CDH7: variants seen among roughly 807,000 people sequenced by gnomAD.
CDH7 encodes cadherin 7, also known as cadherin-7.
A neutral mutation model predicts 71.8 loss-of-function variants in CDH7; 25 were observed. The observed-to-expected ratio is 0.35, with a 90% CI of 0.25 to 0.49. CDH7 has a LOEUF of 0.49. Ranked by LOEUF, CDH7 falls within the 20% of genes least tolerant of loss-of-function variation. The pLI, the probability that CDH7 is intolerant of heterozygous loss-of-function variation, is 0.99. For missense variants in CDH7, 862 were observed against 974.6 expected (o/e 0.88, Z 1.54); for synonymous variants, 381 against 363.8 (o/e 1.05, Z -0.54).
At chr18:65,816,922 G>T (rs1369276131) in intron 4 of CDH7, among the ~76,000 whole-genome samples, 1 of 152,058 alleles carries the variant, frequency 6.6e-6, no homozygotes, top group African/African-American at 2.4e-5. Flanking sequence ...GTATTCTAAG[G>T]TGTATCTGTT....
At chr18:65,799,356 C>A (rs1911031144) in intron 2 of CDH7, among the ~76,000 whole-genome samples, 2 of 151,972 alleles carry the variant, frequency 1.3e-5, no homozygotes. Context: ...TACATCAACC[C>A]CCAGTGAGTC....
intron 2 of CDH7, among the ~76,000 whole-genome samples, chr18:65,764,764 G>A (rs1054561452): frequency 6.6e-6 from 1 of 151,942 alleles, no homozygotes; most frequent in Non-Finnish European, 1.5e-5. Flanking sequence ...ATTTAATTTG[G>A]TATTAAATAA....
chr18:65,824,323 A>G (rs748675043), intron 5 of CDH7, among the ~76,000 whole-genome samples: 8 of 151,838 alleles, frequency 5.3e-5, no homozygotes, highest in Non-Finnish European at 1.2e-4. Context: ...TACTAATTGT[A>G]TATCAATTAT....
chr18:65,873,500 A>G (rs1913985499), intron 11 of CDH7, among the ~76,000 whole-genome samples: 1 of 152,220 alleles, frequency 6.6e-6, no homozygotes, highest in Non-Finnish European at 1.5e-5. Context: ...ATACAAAACT[A>G]TTATCATTTT....
In CDH7 at chr18:65,824,722, T is replaced by C. The variant is rs765092703; in HGVS notation, c.872T>C (p.Ile291Thr). The change falls in exon 6 of 12, where the codon ATT becomes ACT. Residue 291 changes from isoleucine (I) to threonine (T), a missense_variant. By Grantham distance (89) the Ile-to-Thr change is moderately conservative. Transcript: ENST00000397968. The part of the protein sequence containing the change: ...VARIKAADAD[I>T]GANAEMEYKI... ...AGAATTAAAGCTGCTGATGCAGATATTGGAGCTAATGCTGAAATGGAGTAC... is the reference window on the plus strand; with the variant it reads ...AGAATTAAAGCTGCTGATGCAGATACTGGAGCTAATGCTGAAATGGAGTAC... 1.2e-6 allele frequency: 2 copies of C among 1,612,608 alleles called. No homozygotes were observed. The highest frequency in any genetic ancestry group is 1.7e-6 in the Non-Finnish European group (2 of 1,178,870).
intron 2 of CDH7, among the ~76,000 whole-genome samples, chr18:65,789,456 A>G (rs1419034221): frequency 2.1e-5 from 3 of 145,908 alleles, no homozygotes; most frequent in African/African-American, 8.0e-5. Flanking sequence ...AGTTTAATAC[A>G]TGTGCTATTT....
chr18:65,824,938 T>G, intron 6 of CDH7, 107 bp downstream of exon 6: 1 of 582,000 alleles, frequency 1.7e-6, no homozygotes, highest in Non-Finnish European at 2.7e-6. Context: ...ACCATTACTA[T>G]TTTAATTTTA....
At chr18:65,856,925 G>A (rs1276179598) in intron 7 of CDH7, among the ~76,000 whole-genome samples, 1 of 151,604 alleles carries the variant, frequency 6.6e-6, no homozygotes, top group Non-Finnish European at 1.5e-5. Context: ...TTCAAGAAAA[G>A]GCTTTTACAT....
chr18:65,833,065 G>A (rs1912408660), intron 6 of CDH7, among the ~76,000 whole-genome samples: 1 of 152,166 alleles, frequency 6.6e-6, no homozygotes, highest in Admixed American at 6.5e-5. Flanking sequence ...TAATTTTGCT[G>A]TGCTAGATTC....
rs547025786 is a variant in CDH7 at position 65,841,174 on chromosome 18, T to C, written c.982-2638T>C. ...TTCTTTTATTGCTTTATTTTCATAA[T>C]AGCTTTTAGGCAACCAATCATCATG... On this transcript the variant is annotated intron_variant, in intron 6 of 11. Transcript: ENST00000397968. Among the ~76,000 whole-genome samples, 8 of 152,310 alleles carry C rather than the reference T, an allele frequency of 5.3e-5. No homozygotes were observed. The East Asian group carries it at 1.5e-3, about 29-fold the overall frequency.
At chr18:65,856,352 A>G (rs1913355332) in intron 7 of CDH7, among the ~76,000 whole-genome samples, 1 of 152,172 alleles carries the variant, frequency 6.6e-6, no homozygotes, top group South Asian at 2.1e-4. Flanking sequence ...AATAATAATG[A>G]GGGCTCATAG....
At chr18:65,841,847 T>G (rs1039480342) in intron 6 of CDH7, among the ~76,000 whole-genome samples, 1 of 152,030 alleles carries the variant, frequency 6.6e-6, no homozygotes, top group Non-Finnish European at 1.5e-5. Context: ...CATTCTCACC[T>G]TTTTTTGACC....
chr18:65,796,140 G>C (rs946337394), intron 2 of CDH7, among the ~76,000 whole-genome samples: 2 of 152,038 alleles, frequency 1.3e-5, no homozygotes, highest in Admixed American at 6.6e-5. Flanking sequence ...GTATGTTATT[G>C]ACATAGATTT....
chr18:65,840,147 T>C (rs2628259), intron 6 of CDH7, among the ~76,000 whole-genome samples: 148,587 of 152,326 alleles, frequency 0.98, 72,564 homozygotes, highest in East Asian at 1. Flanking sequence ...AGACCCTTGC[T>C]TTACACAGAA....
chr18:65,859,070 C>T (rs886445090), intron 9 of CDH7, 24 bp downstream of exon 9: 6 of 1,606,046 alleles, frequency 3.7e-6, no homozygotes, highest in Non-Finnish European at 5.1e-6. Flanking sequence ...GAACACTTTG[C>T]TTCTAATTTG....
At chr18:65,831,025 T>TA (rs1912332126) in intron 6 of CDH7, among the ~76,000 whole-genome samples, 1 of 152,084 alleles carries the variant, frequency 6.6e-6, no homozygotes, top group African/African-American at 2.4e-5. Flanking sequence ...CAGCTAGTCT[T>TA]AAAAGAATCT....
intron 2 of CDH7, among the ~76,000 whole-genome samples, chr18:65,777,115 A>G (rs534685385): frequency 2.0e-5 from 3 of 152,124 alleles, no homozygotes; most frequent in Non-Finnish European, 4.4e-5. Context: ...AACCAGAAGA[A>G]AAATGAAGAT....
intron 4 of CDH7, among the ~76,000 whole-genome samples, chr18:65,820,747 G>A (rs1911893418): frequency 1.3e-5 from 2 of 152,136 alleles, no homozygotes; most frequent in Admixed American, 1.3e-4. Context: ...AAAAATAAGT[G>A]AGAAACTTTG....
intron 2 of CDH7, among the ~76,000 whole-genome samples, chr18:65,770,449 A>G (rs563018689): frequency 6.6e-6 from 1 of 152,304 alleles, no homozygotes; most frequent in Admixed American, 6.5e-5. Flanking sequence ...AACACAAGAC[A>G]TTACAATCTG....
Sources: allele counts gnomAD v4.1 joint callset (sites outside exome capture counted in the v4.1 genomes callset), GRCh38; gene constraint gnomAD v4.1.1; transcripts MANE v1.5; gene names NCBI Gene and HGNC (gene_info 2026-07-23, HGNC 2026-07-21).